The following RANBP2 variants were observed in gnomAD, a reference collection of about 807,000 sequenced individuals.
RANBP2 encodes the protein RAN binding protein 2.
In RANBP2, 57 loss-of-function variants were observed where a neutral mutation model predicts 303.6. The ratio of observed to expected loss-of-function variants is 0.19; its 90% CI spans 0.15 to 0.23. The LOEUF is 0.23. Ranked by LOEUF, RANBP2 falls within the 10% of genes least tolerant of loss-of-function variation. The pLI is 1.00. For missense variants in RANBP2, 3,138 were observed against 3,780.8 expected (o/e 0.83, Z 4.46); for synonymous variants, 1,167 against 1,301.5 (o/e 0.90, Z 2.23).
At chr2:109,033,707 C>A in the RANBP2 span, among the ~76,000 whole-genome samples, 3 of 151,974 alleles carry the variant, frequency 2.0e-5, no homozygotes, top group Non-Finnish European at 2.9e-5. Flanking sequence ...AATCCCAGCA[C>A]TTTGGGAGGC....
the RANBP2 span, among the ~76,000 whole-genome samples, chr2:109,036,952 T>C: frequency 6.6e-6 from 1 of 152,092 alleles, no homozygotes; most frequent in Non-Finnish European, 1.5e-5. Context: ...CAGACCAGCC[T>C]GGCCAACATG....
the RANBP2 span, among the ~76,000 whole-genome samples, chr2:109,082,718 G>A: frequency 3.3e-5 from 5 of 152,194 alleles, no homozygotes; most frequent in Non-Finnish European, 7.3e-5. Flanking sequence ...CAGAGGCTGA[G>A]GCAGGAAAAC....
chr2:108,900,044 T>A, the RANBP2 span, among the ~76,000 whole-genome samples: 14 of 152,220 alleles, frequency 9.2e-5, no homozygotes, highest in South Asian at 2.9e-3. Flanking sequence ...CAATGCAATG[T>A]CTAGAGAAAC....
chr2:108,851,166 G>A, the RANBP2 span, among the ~76,000 whole-genome samples: 16 of 152,302 alleles, frequency 1.1e-4, no homozygotes, highest in Non-Finnish European at 2.4e-4. Flanking sequence ...TGAAGAGAGA[G>A]ACAGAGCAAG....
intron 8 of RANBP2, among the ~76,000 whole-genome samples, chr2:108,747,057 C>G (rs190740676): frequency 4.6e-5 from 7 of 152,162 alleles, no homozygotes; most frequent in Non-Finnish European, 1.0e-4. Flanking sequence ...GAGCCTCTAT[C>G]CTGAATATTT....
the RANBP2 span, among the ~76,000 whole-genome samples, chr2:108,860,674 C>A: frequency 6.6e-6 from 1 of 152,004 alleles, no homozygotes; most frequent in Non-Finnish European, 1.5e-5. Flanking sequence ...GGTGGATTAC[C>A]TTTTTGATGT....
the RANBP2 span, among the ~76,000 whole-genome samples, chr2:109,275,037 C>G: frequency 6.6e-6 from 1 of 152,114 alleles, no homozygotes; most frequent in South Asian, 2.1e-4. Flanking sequence ...TTATAGATTA[C>G]CATAATGTAA....
the RANBP2 span, among the ~76,000 whole-genome samples, chr2:108,856,059 T>C: frequency 1.3e-5 from 2 of 152,312 alleles, no homozygotes; most frequent in African/African-American, 4.8e-5. Context: ...GGTTGTGTAG[T>C]GTACTGAAGT....
the RANBP2 span, among the ~76,000 whole-genome samples, chr2:109,369,343 G>A: frequency 1.4e-4 from 21 of 152,176 alleles, no homozygotes; most frequent in Admixed American, 6.5e-4. Context: ...ACAAGACTCC[G>A]TCTAAAAAAA....
At chr2:109,137,207 T>G in the RANBP2 span, among the ~76,000 whole-genome samples, 3 of 152,382 alleles carry the variant, frequency 2.0e-5, no homozygotes, top group South Asian at 6.2e-4. Context: ...GATTTGGGGC[T>G]TAGTGAGTTT....
At chr2:109,643,632 G>A in the RANBP2 span, among the ~76,000 whole-genome samples, 2 of 151,956 alleles carry the variant, frequency 1.3e-5, no homozygotes, top group Admixed American at 6.6e-5. Context: ...AGGCGTGGTG[G>A]CACGTGACTG....
chr2:109,585,748 C>G, the RANBP2 span: 1 of 1,613,480 alleles, frequency 6.2e-7, no homozygotes, highest in Admixed American at 1.7e-5. Context: ...AAGCAGAAAC[C>G]TTGCTGAATG....
the RANBP2 span, among the ~76,000 whole-genome samples, chr2:109,423,272 G>A: frequency 3.3e-5 from 5 of 152,150 alleles, no homozygotes; most frequent in Non-Finnish European, 7.4e-5. Flanking sequence ...CTGCTGAGGT[G>A]CAGACCAGGG....
chr2:108,908,723 T>C, the RANBP2 span, among the ~76,000 whole-genome samples: 2 of 152,350 alleles, frequency 1.3e-5, no homozygotes, highest in East Asian at 1.9e-4. Context: ...TCCAAGTATA[T>C]GAAAAACAAT....
At chr2:108,849,668 GA>G in the RANBP2 span, among the ~76,000 whole-genome samples, 1 of 151,316 alleles carries the variant, frequency 6.6e-6, no homozygotes, top group Non-Finnish European at 1.5e-5. Flanking sequence ...CCTCAAAAAA[GA>G]AAAAGAAAAA....
chr2:109,092,222 G>A, the RANBP2 span, among the ~76,000 whole-genome samples: 2 of 152,078 alleles, frequency 1.3e-5, no homozygotes, highest in Non-Finnish European at 2.9e-5. Flanking sequence ...CAATTAGTAA[G>A]CCCTGAGGAA....
the RANBP2 span, chr2:109,490,918 A>G: frequency 4.6e-5 from 69 of 1,506,162 alleles, no homozygotes; most frequent in Non-Finnish European, 5.8e-5. Flanking sequence ...CCCGAGCCCA[A>G]GCTGTTGCCC....
the RANBP2 span, among the ~76,000 whole-genome samples, chr2:109,568,912 T>C: frequency 1.6e-4 from 25 of 152,292 alleles, 1 homozygote; most frequent in Middle Eastern, 3.4e-3. Flanking sequence ...TCAGTATTAT[T>C]TGAAGTCCTA....
At chr2:108,779,086 G>T (rs1428684624) in intron 25 of RANBP2, among the ~76,000 whole-genome samples, 1 of 152,078 alleles carries the variant, frequency 6.6e-6, no homozygotes, top group Non-Finnish European at 1.5e-5. Flanking sequence ...AGTGGTTACT[G>T]TTCTCAGGAA....
Sources: gnomAD v4.1 joint callset for allele counts (sites outside exome capture counted in the v4.1 genomes callset) on GRCh38, gnomAD v4.1.1 for gene constraint, MANE v1.5 for transcripts, NCBI Gene and HGNC (gene_info 2026-07-23, HGNC 2026-07-21) for gene names.